NSMAF: variants seen among roughly 807,000 people sequenced by gnomAD.
NSMAF encodes the protein protein FAN.
In NSMAF, 90 loss-of-function variants were observed where a neutral mutation model predicts 134.9. That is an observed-to-expected ratio of 0.67 (90% confidence interval 0.56 to 0.79). NSMAF has a LOEUF of 0.79. Among genes scored for constraint, NSMAF ranks in the 30% least tolerant of loss-of-function variants. The probability of loss-of-function intolerance (pLI) is 0.00; values close to 1 mark genes in which losing one functional copy is unlikely to be tolerated. For missense variants in NSMAF, 1,010 were observed against 1,119.0 expected (o/e 0.90, Z 1.39); for synonymous variants, 358 against 389.6 (o/e 0.92, Z 0.96).
chr8:58,584,125 A>C lies in NSMAF; in HGVS notation c.2735T>G (p.Phe912Cys). ...AGGCACTTAATACTGCAATTTCCAG[A>C]ATATAATTTGTCTGTCTTCCCCTCC... ...ITGGEDRQII[F>C]WKLQY The change falls in exon 31 of 31, where the codon TTC becomes TGC. Residue 912 changes from phenylalanine (F) to cysteine (C), a missense_variant. Coordinates refer to ENST00000038176, the MANE Select transcript of NSMAF (RefSeq NM_003580.4). The C allele has an allele frequency of 6.2e-7, 1 of 1,613,120 alleles. No individual in the cohort carries two copies. Among genetic ancestry groups the C allele is most frequent in the Non-Finnish European group, 8.5e-7 (1 of 1,179,116 alleles).
chr8:58,635,283 A>C, intron 4 of NSMAF, 22 bp downstream of exon 4: 2 of 1,609,670 alleles, frequency 1.2e-6, no homozygotes, highest in South Asian at 1.1e-5. Context: ...AGTAAAATTA[A>C]ACAGTGGTGA....
In NSMAF at chr8:58,584,219, G is replaced by GGTTA. The variant is rs763699072; in HGVS notation, c.2660-23_2660-20dup. 6.3e-7 allele frequency: 1 copy of GGTTA among 1,597,772 alleles called. No individual in the cohort carries two copies. The highest frequency in any genetic ancestry group is 8.6e-7 in the Non-Finnish European group (1 of 1,166,284). The stretch of plus-strand genomic sequence containing the variant: ...ACAGCACCTGAGAGAAAGACATTTT[G>GGTTA]GTTAGTTAGGAAGTTGACCAGGAGG... On this transcript the variant is annotated intron_variant, in intron 30 of 30. Transcript: ENST00000038176.
At chr8:58,613,940 T>C (rs1201961279) in intron 9 of NSMAF, among the ~76,000 whole-genome samples, 2 of 152,172 alleles carry the variant, frequency 1.3e-5, no homozygotes, top group Admixed American at 6.5e-5. Flanking sequence ...TTTTGGAGCA[T>C]TTCGGACTTA....
At chr8:58,605,260 T>C (rs1806377739) in intron 12 of NSMAF, among the ~76,000 whole-genome samples, 1 of 152,206 alleles carries the variant, frequency 6.6e-6, no homozygotes, top group South Asian at 2.1e-4. Flanking sequence ...AAAGTCAGTA[T>C]ATTGAGCATA....
At chr8:58,615,500 T>C (rs1806636169) in intron 9 of NSMAF, among the ~76,000 whole-genome samples, 1 of 152,172 alleles carries the variant, frequency 6.6e-6, no homozygotes, top group Admixed American at 6.5e-5. Flanking sequence ...TCTGATCAGA[T>C]ATTAAATTAT....
chr8:58,641,250 A>T (rs1807329091), intron 2 of NSMAF, among the ~76,000 whole-genome samples: 1 of 152,182 alleles, frequency 6.6e-6, no homozygotes, highest in Non-Finnish European at 1.5e-5. Flanking sequence ...TTAATTCTAT[A>T]TTAAAAATCT....
intron 1 of NSMAF, among the ~76,000 whole-genome samples, chr8:58,658,208 T>A (rs78533823): frequency 0.045 from 6,862 of 152,070 alleles, 544 homozygotes; most frequent in African/African-American, 0.15. Context: ...AAACAAAGAA[T>A]CTCCACTCAA....
intron 1 of NSMAF, among the ~76,000 whole-genome samples, chr8:58,645,050 C>T (rs1807415100): frequency 1.3e-5 from 2 of 150,076 alleles, no homozygotes; most frequent in African/African-American, 4.9e-5. Flanking sequence ...CACCATGGCA[C>T]GTGTATACCT....
chr8:58,585,365 C>T (rs1019051661), intron 30 of NSMAF, among the ~76,000 whole-genome samples: 1 of 148,712 alleles, frequency 6.7e-6, no homozygotes, highest in African/African-American at 2.5e-5. Flanking sequence ...TAAGATCATG[C>T]TATTACCTTT....
Position 58,590,907 on chromosome 8 carries a change from T to A in NSMAF, c.1979A>T (p.Glu660Val). The change falls in exon 24 of 31, where the codon GAA (glutamate) becomes GTA (valine). Residue 660 changes from glutamate (E) to valine (V), a missense_variant. Physicochemically the swap from Glu to Val is moderately radical, Grantham distance 121. Coordinates refer to ENST00000038176, the MANE Select transcript of NSMAF (RefSeq NM_003580.4). ...QDSTLKMFSKESKMLQRSISF... is the reference protein window; with the variant it reads ...QDSTLKMFSKVSKMLQRSISF... Reference sequence around the variant, plus strand: ...TATACTTCTTTGTAGCATTTTTGATTCTTTAGAAAACATCTTCAAGGTGGA... The same window carrying A: ...TATACTTCTTTGTAGCATTTTTGATACTTTAGAAAACATCTTCAAGGTGGA... 2 of 1,568,986 alleles carry A rather than the reference T, an allele frequency of 1.3e-6. No individual in the cohort carries two copies. Among genetic ancestry groups the A allele is most frequent in the Non-Finnish European group, 1.7e-6 (2 of 1,146,494 alleles).
intron 24 of NSMAF, 106 bp downstream of exon 24, chr8:58,590,761 G>T: frequency 1.7e-6 from 2 of 1,204,394 alleles, no homozygotes; most frequent in Non-Finnish European, 2.3e-6. Context: ...TTACTACACA[G>T]GAATAAACTC....
At chr8:58,626,091 C>CTTTTTTTT (rs1225264071) in intron 6 of NSMAF, among the ~76,000 whole-genome samples, 7 of 99,390 alleles carry the variant, frequency 7.0e-5, no homozygotes, top group Non-Finnish European at 9.6e-5. Context: ...TTATATAATT[C>CTTTTTTTT]TTTTTTTTTT....
intron 21 of NSMAF, among the ~76,000 whole-genome samples, chr8:58,596,383 C>T (rs1435914119): frequency 6.6e-6 from 1 of 152,100 alleles, no homozygotes; most frequent in African/African-American, 2.4e-5. Flanking sequence ...GATTTTGCTC[C>T]CAAAGCTCCA....
intron 11 of NSMAF, among the ~76,000 whole-genome samples, chr8:58,607,175 A>G (rs1305103236): frequency 6.6e-6 from 1 of 152,272 alleles, no homozygotes; most frequent in Non-Finnish European, 1.5e-5. Flanking sequence ...GTGTCGAATT[A>G]AAACACTTGG....
intron 6 of NSMAF, among the ~76,000 whole-genome samples, chr8:58,630,152 G>A (rs1280990050): frequency 1.4e-4 from 21 of 152,180 alleles, no homozygotes; most frequent in Admixed American, 1.0e-3. Flanking sequence ...CGGCTTTGAT[G>A]TGGTTAGTTT....
chr8:58,585,764 G>A lies in NSMAF; in HGVS notation c.2550-3C>T, dbSNP rs1805867668. The A allele has an allele frequency of 1.9e-6, 3 of 1,612,752 alleles. No homozygotes were observed. Among genetic ancestry groups the A allele is most frequent in the Non-Finnish European group, 2.5e-6 (3 of 1,178,828 alleles). On this transcript the variant is annotated splice_polypyrimidine_tract_variant and splice_region_variant and intron_variant, in intron 29 of 30. Transcript: ENST00000038176. ...AATTTCCATCCCAGACAAAGCACCTGCAAGAATGATTTAGAAATAGTCCTT... is the reference window on the plus strand; with the variant it reads ...AATTTCCATCCCAGACAAAGCACCTACAAGAATGATTTAGAAATAGTCCTT...
At position 58,602,185 on chromosome 8, in the gene NSMAF, T is replaced by A. The variant is rs368618324; in HGVS notation, c.1046-48A>T. ...AACTTCAGCTTATACTTAGTACCATTAACCTCCTGAATTAATTCAAATATA... is the reference window on the plus strand; with the variant it reads ...AACTTCAGCTTATACTTAGTACCATAAACCTCCTGAATTAATTCAAATATA... On this transcript the variant is annotated intron_variant, in intron 13 of 30. Coordinates refer to ENST00000038176, the MANE Select transcript of NSMAF (RefSeq NM_003580.4). 41 of 1,425,194 alleles carry A rather than the reference T, an allele frequency of 2.9e-5. No homozygotes were observed. In the African/African-American group the frequency reaches 5.7e-4, roughly 20 times the overall value. 88.3% of individuals were successfully genotyped at this position (1,425,194 alleles called of 1,614,324 possible). A position where few individuals can be genotyped will look rare whatever the true frequency, so the allele number is the denominator to read the frequency against.
At chr8:58,645,496 T>A (rs1360646450) in intron 1 of NSMAF, among the ~76,000 whole-genome samples, 1 of 152,104 alleles carries the variant, frequency 6.6e-6, no homozygotes, top group East Asian at 1.9e-4. Flanking sequence ...TACAACATCA[T>A]CCCACAGTGA....
chr8:58,600,621 CAAAAAA>C (rs35209612), intron 16 of NSMAF, among the ~76,000 whole-genome samples: 1 of 44,682 alleles, frequency 2.2e-5, no homozygotes, highest in African/African-American at 8.8e-5. Context: ...GACTCTGTCT[CAAAAAA>C]AAAAAAAAAA....
Sources: allele counts gnomAD v4.1 joint callset (sites outside exome capture counted in the v4.1 genomes callset), GRCh38; gene constraint gnomAD v4.1.1; transcripts MANE v1.5; gene names NCBI Gene and HGNC (gene_info 2026-07-23, HGNC 2026-07-21).